The following SP140L variants were observed in gnomAD, a reference collection of about 807,000 sequenced individuals.
SP140L encodes nuclear body protein SP140-like protein.
A neutral mutation model predicts 84.3 loss-of-function variants in SP140L; 64 were observed. That is an observed-to-expected ratio of 0.76 (90% CI 0.62 to 0.94). The LOEUF (loss-of-function observed/expected upper bound fraction) is 0.94, where lower values mean the gene tolerates loss of function less well. Ranked by LOEUF, SP140L falls within the 40% of genes least tolerant of loss-of-function variation. The pLI is 0.00. For missense variants in SP140L, 628 were observed against 692.5 expected (o/e 0.91, Z 1.05); for synonymous variants, 242 against 236.9 (o/e 1.02, Z -0.20).
chr2:230,359,234 G>A (rs2060641764), intron 4 of SP140L, 102 bp downstream of exon 4: 1 of 1,035,618 alleles, frequency 9.7e-7, no homozygotes, highest in Non-Finnish European at 1.5e-6. Flanking sequence ...GTTGGGCAGT[G>A]GGCATAGAGT....
rs4973318 is a variant in SP140L, at chr2:230,357,960, T to C, written c.263T>C (p.Met88Thr). 173,908 of 1,611,380 alleles carry C rather than the reference T, an allele frequency of 0.11. 10,107 individuals are homozygous for C. The highest frequency in any genetic ancestry group is 0.14 in the Middle Eastern group (865 of 6,054). ...LRDRELITNK[M>T]FEDSEDSCRN... Reference sequence around the variant, plus strand: ...GATCGGGAACTCATCACAAATAAAATGTTTGAAGTAAGTAAAGTTTATTTC... The same window carrying C: ...GATCGGGAACTCATCACAAATAAAACGTTTGAAGTAAGTAAAGTTTATTTC... The change falls in exon 3 of 19, where the codon ATG becomes ACG. Residue 88 changes from methionine (M) to threonine (T), a missense_variant. By Grantham distance (81) the Met-to-Thr change is moderately conservative. Coordinates refer to ENST00000415673, the MANE Select transcript of SP140L (RefSeq NM_138402.6).
chr2:230,365,961 C>T (rs191192056), intron 5 of SP140L, among the ~76,000 whole-genome samples: 1 of 152,062 alleles, frequency 6.6e-6, no homozygotes, highest in Non-Finnish European at 1.5e-5. Flanking sequence ...TTGATTTCTA[C>T]TTTTATATCA....
intron 10 of SP140L, chr2:230,388,861 G>C (rs923762495): frequency 5.3e-6 from 2 of 380,492 alleles, no homozygotes; most frequent in African/African-American, 2.1e-5. Flanking sequence ...GGTCACTAAA[G>C]TGCTACTTCC....
At chr2:230,354,541 G>A (rs2060458300) in intron 2 of SP140L, among the ~76,000 whole-genome samples, 2 of 152,122 alleles carry the variant, frequency 1.3e-5, no homozygotes, top group South Asian at 2.1e-4. Flanking sequence ...GCCAAGGTGG[G>A]AGGATCACTT....
intron 8 of SP140L, among the ~76,000 whole-genome samples, chr2:230,384,149 G>A (rs970901448): frequency 2.0e-5 from 3 of 151,996 alleles, no homozygotes; most frequent in African/African-American, 7.2e-5. Context: ...ATTTTTATTT[G>A]TGGTATTTAA....
At chr2:230,354,862 AAAGAAAGAAAGAAAG>A (rs2060479180) in intron 2 of SP140L, among the ~76,000 whole-genome samples, 2 of 135,094 alleles carry the variant, frequency 1.5e-5, no homozygotes, top group Non-Finnish European at 3.1e-5. Flanking sequence ...AGAAAGAAAG[AAAGAAAGAAAGAAAG>A]AAAGAAAGAA....
At chr2:230,384,523 C>T (rs1575521583) in intron 8 of SP140L, among the ~76,000 whole-genome samples, 1 of 152,326 alleles carries the variant, frequency 6.6e-6, no homozygotes, top group East Asian at 1.9e-4. Flanking sequence ...CATCTATCTT[C>T]TGCTCTTCTG....
At chr2:230,334,245 T>C (rs887843404) in intron 2 of SP140L, among the ~76,000 whole-genome samples, 1 of 152,248 alleles carries the variant, frequency 6.6e-6, no homozygotes, top group Non-Finnish European at 1.5e-5. Context: ...GGCTTACTCC[T>C]TGTCAGCATT....
Position 230,399,976 on chromosome 2 carries a change from C to T in SP140L, c.1198-151C>T, listed in dbSNP as rs113420535. The T allele has an allele frequency of 4.2e-3, 2,930 of 691,596 alleles. 70 individuals carry two copies. In the African/African-American group the frequency reaches 0.047, roughly 11 times the overall value. The allele number at this position is 691,596 out of a possible 1,614,324, so 42.8% of individuals were successfully genotyped here. ...TGCAGACCAGGATTTGTTCTGAAAT[C>T]TCCATGCCATATTTTTCCTTCATAT... On this transcript the variant is annotated intron_variant, in intron 14 of 18. Transcript: ENST00000415673.
intron 4 of SP140L, among the ~76,000 whole-genome samples, chr2:230,359,738 C>T (rs886198878): frequency 6.6e-6 from 1 of 152,124 alleles, no homozygotes; most frequent in Admixed American, 6.5e-5. Flanking sequence ...AGAGTTTGCC[C>T]AGTAAAACCA....
chr2:230,357,886 G>T lies in SP140L; in HGVS notation c.189G>T (p.Glu63Asp), dbSNP rs748780378. ...VFKHFKRHKL[E>D]ISNAIKKTFP... ...AGCACTTCAAAAGACATAAGCTGGA[G>T]ATATCAAATGCAATAAAAAAGACAT... Residue 63 changes from glutamate (E) to aspartate (D), a missense_variant, in exon 3 of 19, where the codon GAG becomes GAT. Glu to Asp is a conservative substitution (Grantham distance 45). Coordinates refer to ENST00000415673, the MANE Select transcript of SP140L (RefSeq NM_138402.6). 5 of 1,614,060 alleles carry T rather than the reference G, an allele frequency of 3.1e-6. No individual in the cohort carries two copies. The highest frequency in any genetic ancestry group is 4.2e-6 in the Non-Finnish European group (5 of 1,179,942).
chr2:230,358,262 T>A (rs1193187861), intron 3 of SP140L, among the ~76,000 whole-genome samples: 2 of 152,172 alleles, frequency 1.3e-5, no homozygotes, highest in African/African-American at 4.8e-5. Context: ...TTTACTGAAA[T>A]CATAATTGAC....
In SP140L at chr2:230,358,983, G is replaced by A; in HGVS notation, c.290G>A (p.Arg97Lys). 1.3e-6 allele frequency: 2 copies of A among 1,584,862 alleles called. No individual in the cohort carries two copies. The highest frequency in any genetic ancestry group is 1.7e-6 in the Non-Finnish European group (2 of 1,171,526). ...KMFEDSEDSC[R>K]NLVPVQRVVY... ...TTAAAGGATTCTGAAGATTCTTGTAGAAACCTGGTCCCTGTACAAAGAGTG... is the reference window on the plus strand; with the variant it reads ...TTAAAGGATTCTGAAGATTCTTGTAAAAACCTGGTCCCTGTACAAAGAGTG... The change falls in exon 4 of 19, where the codon AGA becomes AAA. Residue 97 changes from arginine (R) to lysine (K), a missense_variant. Arg to Lys is a conservative substitution (Grantham distance 26). This residue lies in a region of SP140L where 525 missense variants were observed against 518.4 expected (regional missense o/e 1.01). Coordinates refer to ENST00000415673, the MANE Select transcript of SP140L (RefSeq NM_138402.6).
At chr2:230,369,694 A>AT (rs1351215559) in intron 5 of SP140L, among the ~76,000 whole-genome samples, 1 of 152,172 alleles carries the variant, frequency 6.6e-6, no homozygotes, top group African/African-American at 2.4e-5. Context: ...CTCAGAAATG[A>AT]TTAGTGATAT....
rs187571914 is a variant in SP140L at position 230,354,791 on chromosome 2, C to T, written c.108-3014C>T. ...CCTTCAAAGAAAGAAGGGGTGGGGG[C>T]GGGGGAAGAGAGAGAGAGAGAAAGA... On this transcript the variant is annotated intron_variant, in intron 2 of 18. Transcript: ENST00000415673. Among the ~76,000 whole-genome samples the T allele has an allele frequency of 3.8e-3, 65 of 17,094 alleles. 2 individuals are homozygous for T. Among genetic ancestry groups the T allele is most frequent in the African/African-American group, 0.014 (53 of 3,712 alleles). The allele number at this position is 17,094 out of a possible 152,430, so 11.2% of individuals were successfully genotyped here.
chr2:230,379,192 A>G (rs1347184566), intron 7 of SP140L, among the ~76,000 whole-genome samples: 1 of 152,014 alleles, frequency 6.6e-6, no homozygotes, highest in Non-Finnish European at 1.5e-5. Context: ...TTAGCTTTTT[A>G]ATGAATTTTT....
rs1329623241 is a variant in SP140L, at chr2:230,402,919, C to T, written c.*23C>T. On this transcript the variant is annotated 3_prime_UTR_variant, in exon 19 of 19. Transcript: ENST00000415673. ...TGACTGGTTTAGTGGATGCTGAAGG[C>T]CTTCAGGAAATATGCTACTGGTTGC... 2 of 1,580,756 alleles carry T rather than the reference C, an allele frequency of 1.3e-6. No individual in the cohort carries two copies. The highest frequency in any genetic ancestry group is 8.6e-7 in the Non-Finnish European group (1 of 1,162,222).
chr2:230,374,893 TTG>T (rs1190828955), intron 7 of SP140L, among the ~76,000 whole-genome samples: 1 of 152,178 alleles, frequency 6.6e-6, no homozygotes, highest in East Asian at 1.9e-4. Flanking sequence ...ACCAAAAAAA[TTG>T]TGTCTTGCTT....
At chr2:230,395,361 T>G (rs2062002304) in intron 13 of SP140L, among the ~76,000 whole-genome samples, 1 of 152,022 alleles carries the variant, frequency 6.6e-6, no homozygotes, top group Non-Finnish European at 1.5e-5. Flanking sequence ...GAGGATGACT[T>G]GAGCTCAGGA....
Sources: gnomAD v4.1 joint callset for allele counts (sites outside exome capture counted in the v4.1 genomes callset) on GRCh38, gnomAD v4.1.1 for gene constraint, gnomAD v4.1.1 regional missense constraint, MANE v1.5 for transcripts, NCBI Gene and HGNC (gene_info 2026-07-23, HGNC 2026-07-21) for gene names.